DNM3: variants seen among roughly 807,000 people sequenced by gnomAD.
The protein encoded by DNM3 is dynamin 3.
DNM3 carries 47 observed loss-of-function variants against 101.6 expected under a neutral mutation model. The observed-to-expected ratio is 0.46, with a 90% CI of 0.37 to 0.59. The LOEUF is 0.59. DNM3 is among the 20% of genes least tolerant of loss of function. The pLI is 0.00. For missense variants in DNM3, 849 were observed against 1,085.7 expected, an observed-to-expected ratio of 0.78 and a Z score of 3.06; for synonymous variants, 385 against 387.9, an observed-to-expected ratio of 0.99 and a Z score of 0.09.
intron 4 of DNM3, among the ~76,000 whole-genome samples, chr1:172,029,742 A>G (rs1303360411): frequency 6.6e-6 from 1 of 152,220 alleles, no homozygotes; most frequent in Non-Finnish European, 1.5e-5. Flanking sequence ...AAAAATCACA[A>G]GCATTCCTAT....
intron 16 of DNM3, among the ~76,000 whole-genome samples, chr1:172,314,907 T>G (rs1322346110): frequency 6.6e-6 from 1 of 152,188 alleles, no homozygotes; most frequent in African/African-American, 2.4e-5. Context: ...AGCACGCAGC[T>G]GGAGATCTGA....
intron 1 of DNM3, among the ~76,000 whole-genome samples, chr1:171,916,748 G>A (rs1005453512): frequency 3.9e-5 from 6 of 152,020 alleles, no homozygotes; most frequent in African/African-American, 1.2e-4. Flanking sequence ...ACTCTATAGC[G>A]CCTTCCTGTT....
Position 172,409,923 on chromosome 1 carries a change from C to T in DNM3, c.*2082C>T. The T allele has an allele frequency of 1.0e-6, 1 of 985,654 alleles. No individual in the cohort carries two copies. Among genetic ancestry groups the T allele is most frequent in the Non-Finnish European group, 1.2e-6 (1 of 829,844 alleles). The allele number at this position is 985,654 out of a possible 1,614,324, so 61.1% of individuals were successfully genotyped here. A position where few individuals can be genotyped will look rare whatever the true frequency, so the allele number is the denominator to read the frequency against. ...CCACTGGTGTGTTCTTAGATCAGCA[C>T]AAACCATGTCAAAAAAAATTGGAGA... On this transcript the variant is annotated 3_prime_UTR_variant, in exon 21 of 21. Coordinates refer to ENST00000627582, the MANE Select transcript of DNM3 (RefSeq NM_015569.5).
chr1:171,940,395 A>G lies in DNM3; in HGVS notation c.235+18574A>G, dbSNP rs529179280. Among the ~76,000 whole-genome samples the G allele has an allele frequency of 1.2e-3, 176 of 152,260 alleles. 1 individual carries two copies. Among genetic ancestry groups the G allele is most frequent in the African/African-American group, 3.9e-3 (160 of 41,540 alleles). ...TGTGCTGCACAACAGAGAGGTTGCC[A>G]GTTTGTGTCTTGCAGACCATGTTTC... On this transcript the variant is annotated intron_variant, in intron 2 of 20. Transcript: ENST00000627582.
At position 172,033,314 on chromosome 1, in the gene DNM3, A is replaced by G. The variant is rs775779462; in HGVS notation, c.849+49A>G. 2.0e-5 allele frequency: 29 copies of G among 1,484,906 alleles called. No homozygotes were observed. The Middle Eastern group carries it at 5.3e-4, about 27-fold the overall frequency. The allele number at this position is 1,484,906 out of a possible 1,614,324, so 92.0% of individuals were successfully genotyped here. A position where few individuals can be genotyped will look rare whatever the true frequency, so the allele number is the denominator to read the frequency against. ...AAGAACAATTATGAAATATGTAAGT[A>G]GGTGCTGGAATTCATATTTATTATT... is the stretch of plus-strand genomic sequence containing the variant. On this transcript the variant is annotated intron_variant, in intron 6 of 20. Coordinates refer to ENST00000627582, the MANE Select transcript of DNM3 (RefSeq NM_015569.5).
intron 14 of DNM3, among the ~76,000 whole-genome samples, chr1:172,185,800 A>C (rs1472678463): frequency 2.0e-5 from 3 of 152,128 alleles, no homozygotes; most frequent in Non-Finnish European, 4.4e-5. Flanking sequence ...ACTGGGAATA[A>C]AATAATATAG....
At chr1:172,329,602 CAAGA>C (rs1467181832) in intron 17 of DNM3, among the ~76,000 whole-genome samples, 1 of 151,906 alleles carries the variant, frequency 6.6e-6, no homozygotes, top group Non-Finnish European at 1.5e-5. Flanking sequence ...AAAAGAAAAA[CAAGA>C]AAGCTTAAAC....
intron 2 of DNM3, among the ~76,000 whole-genome samples, chr1:171,953,769 A>T (rs2042681410): frequency 6.6e-6 from 1 of 152,102 alleles, no homozygotes; most frequent in Non-Finnish European, 1.5e-5. Flanking sequence ...GACCTCATTT[A>T]AAAAATTTTA....
chr1:172,002,810 G>A (rs79744378), intron 4 of DNM3, among the ~76,000 whole-genome samples: 1 of 152,028 alleles, frequency 6.6e-6, no homozygotes, highest in African/African-American at 2.4e-5. Context: ...TAAAAAGTAA[G>A]AACAAAAGAA....
chr1:172,357,426 A>G (rs2067511447), intron 17 of DNM3, among the ~76,000 whole-genome samples: 1 of 152,140 alleles, frequency 6.6e-6, no homozygotes. Flanking sequence ...ACTGAGAAAG[A>G]CACACCATTT....
chr1:172,166,789 T>C (rs866752509), intron 14 of DNM3, among the ~76,000 whole-genome samples: 13 of 152,060 alleles, frequency 8.5e-5, no homozygotes, highest in African/African-American at 3.1e-4. Flanking sequence ...AATTTTCTAC[T>C]ACTCTTCCTG....
chr1:172,348,089 T>G (rs1232193399), intron 17 of DNM3, among the ~76,000 whole-genome samples: 2 of 151,984 alleles, frequency 1.3e-5, no homozygotes, highest in African/African-American at 2.4e-5. Flanking sequence ...GATAGTTACT[T>G]TGAGTGGGAG....
chr1:172,353,269 A>T (rs2067278223), intron 17 of DNM3, among the ~76,000 whole-genome samples: 1 of 152,188 alleles, frequency 6.6e-6, no homozygotes, highest in African/African-American at 2.4e-5. Context: ...CATGGAATAT[A>T]TAGATTTGAC....
intron 17 of DNM3, among the ~76,000 whole-genome samples, chr1:172,354,409 C>T (rs1573579135): frequency 6.6e-6 from 1 of 152,138 alleles, no homozygotes; most frequent in East Asian, 1.9e-4. Flanking sequence ...GGCTCCTCCC[C>T]ACTGCAAATA....
intron 13 of DNM3, among the ~76,000 whole-genome samples, chr1:172,105,306 G>A (rs57847023): frequency 2.6e-5 from 4 of 152,332 alleles, no homozygotes; most frequent in African/African-American, 7.2e-5. Context: ...CTGTGAAACA[G>A]GGTCCAGTAG....
intron 14 of DNM3, among the ~76,000 whole-genome samples, chr1:172,153,611 C>G (rs1031832056): frequency 4.0e-5 from 6 of 151,798 alleles, no homozygotes; most frequent in African/African-American, 1.5e-4. Context: ...GAGTATTCCT[C>G]TTCTCTCCAG....
At chr1:171,876,464 C>T (rs2035792949) in intron 1 of DNM3, among the ~76,000 whole-genome samples, 2 of 152,064 alleles carry the variant, frequency 1.3e-5, no homozygotes, top group Non-Finnish European at 2.9e-5. Context: ...GTTGTGAAGC[C>T]TCCTTGATAA....
chr1:172,377,261 T>A (rs2068649436), intron 17 of DNM3, among the ~76,000 whole-genome samples: 1 of 151,776 alleles, frequency 6.6e-6, no homozygotes, highest in African/African-American at 2.4e-5. Context: ...ACAATTACGA[T>A]GATACCCCTG....
At chr1:171,936,183 C>A (rs556201590) in intron 2 of DNM3, among the ~76,000 whole-genome samples, 1 of 151,896 alleles carries the variant, frequency 6.6e-6, no homozygotes, top group Non-Finnish European at 1.5e-5. Flanking sequence ...ATGGTGAAAC[C>A]CCATCTCCAC....
Sources: allele counts gnomAD v4.1 joint callset (sites outside exome capture counted in the v4.1 genomes callset), GRCh38; gene constraint gnomAD v4.1.1; transcripts MANE v1.5; gene names NCBI Gene and HGNC (gene_info 2026-07-23, HGNC 2026-07-21).